The following ROBO2 variants were observed in gnomAD, a reference collection of about 807,000 sequenced individuals.
ROBO2 encodes roundabout guidance receptor 2, also known as roundabout homolog 2.
A neutral mutation model predicts 160.8 loss-of-function variants in ROBO2; 53 were observed. That is an observed-to-expected ratio of 0.33 (90% CI 0.26 to 0.41). The LOEUF (loss-of-function observed/expected upper bound fraction) is 0.41. Among genes scored for constraint, ROBO2 ranks in the 10% least tolerant of loss-of-function variants. The probability of loss-of-function intolerance (pLI) is 1.00; values close to 1 mark genes in which losing one functional copy is unlikely to be tolerated. For missense variants in ROBO2, 1,577 were observed against 1,722.4 expected (o/e 0.92, Z 1.49); for synonymous variants, 664 against 611.7 (o/e 1.09, Z -1.26).
intron 2 of ROBO2, among the ~76,000 whole-genome samples, chr3:75,942,107 G>A (rs1317055841): frequency 6.6e-6 from 1 of 151,996 alleles, no homozygotes; most frequent in African/African-American, 2.4e-5. Flanking sequence ...AGAGCTGAAG[G>A]TAGTATCTGA....
rs71104662 is a variant in ROBO2, at chr3:77,237,411, TTGTGTG to T, written c.388+139100_388+139105del. Among the ~76,000 whole-genome samples, 266 of 131,118 alleles carry T rather than the reference TTGTGTG, an allele frequency of 2.0e-3. 7 individuals are homozygous for T. In the East Asian group the frequency reaches 0.037, roughly 18 times the overall value. The allele number at this position is 131,118 out of a possible 152,430, so 86.0% of individuals were successfully genotyped here. The stretch of plus-strand genomic sequence containing the variant: ...TTTCCTGTTTTTGTTTTGTTTTGTT[TTGTGTG>T]TGTGTGTGTGTGTGTGTGTGTGTGT... On this transcript the variant is annotated intron_variant, in intron 2 of 25. Coordinates refer to ENST00000461745, the Ensembl canonical transcript of ROBO2.
At chr3:77,537,846 G>A (rs541705809) in intron 6 of ROBO2, among the ~76,000 whole-genome samples, 115 of 152,146 alleles carry the variant, frequency 7.6e-4, no homozygotes, top group African/African-American at 2.7e-3. Context: ...GATCTTGTGA[G>A]ACTTATTCAG....
At chr3:77,446,166 C>T (rs2080485514) in intron 2 of ROBO2, among the ~76,000 whole-genome samples, 1 of 151,950 alleles carries the variant, frequency 6.6e-6, no homozygotes, top group African/African-American at 2.4e-5. Flanking sequence ...TTAATAGCAT[C>T]ATACTTCAGG....
chr3:76,626,480 A>T (rs1490945016), intron 2 of ROBO2, among the ~76,000 whole-genome samples: 1 of 152,178 alleles, frequency 6.6e-6, no homozygotes, highest in Non-Finnish European at 1.5e-5. Flanking sequence ...GGATCAAAAA[A>T]GTACCAAGAA....
chr3:76,840,671 ATAT>A (rs2068168456), intron 2 of ROBO2, among the ~76,000 whole-genome samples: 4 of 135,970 alleles, frequency 2.9e-5, no homozygotes, highest in East Asian at 2.2e-4. Context: ...ATATATATAT[ATAT>A]AAGATGAAGT....
chr3:76,130,898 A>C lies in ROBO2; in HGVS notation c.109+193296A>C, dbSNP rs1017541715. ...ACCTCTTTAAACCCATTCTGATTTC[A>C]AGCTCTTTGTGAAGACATCCTGTAT... On this transcript the variant is annotated intron_variant, in intron 2 of 26. Coordinates refer to the ROBO2 transcript ENST00000487694. Among the ~76,000 whole-genome samples the C allele has an allele frequency of 5.3e-5, 8 of 152,140 alleles. No individual in the cohort carries two copies. The South Asian group carries it at 1.0e-3, about 20-fold the overall frequency.
chr3:76,971,561 A>T (rs1339563337), intron 2 of ROBO2, among the ~76,000 whole-genome samples: 1 of 151,336 alleles, frequency 6.6e-6, no homozygotes, highest in African/African-American at 2.4e-5. Flanking sequence ...TAAAAAAAAA[A>T]TAAATAAAAA....
At chr3:76,241,768 A>G (rs2107517359) in intron 2 of ROBO2, among the ~76,000 whole-genome samples, 1 of 152,356 alleles carries the variant, frequency 6.6e-6, no homozygotes. Context: ...ATAATAGTAA[A>G]AAATGATTAT....
At chr3:76,138,087 C>A (rs1474928921) in intron 2 of ROBO2, among the ~76,000 whole-genome samples, 1 of 151,908 alleles carries the variant, frequency 6.6e-6, no homozygotes, top group Non-Finnish European at 1.5e-5. Context: ...ATGTCCTTGG[C>A]TCTTGATGAT....
Position 75,938,441 on chromosome 3 carries a change from C to T in ROBO2, c.109+839C>T, listed in dbSNP as rs139209769. On this transcript the variant is annotated intron_variant, in intron 2 of 26. Transcript: ENST00000487694. ...TTATGTGATAAAACATCCTGACACC[C>T]CTGAAATTTTCTTTTCCTTTTGGGG... Among the ~76,000 whole-genome samples, 90 of 152,052 alleles carry T rather than the reference C, an allele frequency of 5.9e-4. 1 individual carries two copies. Among genetic ancestry groups the T allele is most frequent in the African/African-American group, 2.1e-3 (88 of 41,504 alleles).
At chr3:76,272,889 TAAAAATATAATATATA>T (rs1707601244) in intron 2 of ROBO2, among the ~76,000 whole-genome samples, 1 of 63,640 alleles carries the variant, frequency 1.6e-5, no homozygotes, top group African/African-American at 6.8e-5. Context: ...TATTTATATA[TAAAAATATAATATATA>T]TTTATATATA....
chr3:77,082,191 G>T (rs750470399), intron 1 of ROBO2, among the ~76,000 whole-genome samples: 2 of 152,172 alleles, frequency 1.3e-5, no homozygotes, highest in Non-Finnish European at 2.9e-5. Flanking sequence ...ATCACTTCTT[G>T]TAGTAAAGAA....
chr3:76,961,259 A>AAAAAC (rs1559767688), intron 2 of ROBO2, among the ~76,000 whole-genome samples: 1 of 151,782 alleles, frequency 6.6e-6, no homozygotes, highest in African/African-American at 2.4e-5. Context: ...AAAAAAAAAA[A>AAAAAC]AAAAAAAAAC....
At chr3:77,617,997 G>GT in intron 22 of ROBO2, 1 of 562,634 alleles carries the variant, frequency 1.8e-6, no homozygotes, top group Non-Finnish European at 3.1e-6. Context: ...AGCTGTAACT[G>GT]TAACTGTAAC....
intron 1 of ROBO2, among the ~76,000 whole-genome samples, chr3:77,062,559 C>T (rs1224867494): frequency 2.0e-5 from 3 of 152,154 alleles, no homozygotes; most frequent in Non-Finnish European, 1.5e-5. Flanking sequence ...TACTTAATTT[C>T]TCCCAGAGGT....
At chr3:76,634,835 T>C (rs938129681) in intron 2 of ROBO2, among the ~76,000 whole-genome samples, 1 of 152,094 alleles carries the variant, frequency 6.6e-6, no homozygotes, top group Non-Finnish European at 1.5e-5. Context: ...CAGCAGGAGG[T>C]GCGCAGCAGG....
chr3:77,602,661 G>GCCACCACCACCACCACCACCA (rs879356392), intron 20 of ROBO2, among the ~76,000 whole-genome samples, 170 bp downstream of exon 21: 1 of 128,242 alleles, frequency 7.8e-6, no homozygotes, highest in Non-Finnish European at 1.7e-5. Context: ...CACCACCACC[G>GCCACCACCACCACCACCACCA]CCACCACCAC....
At chr3:76,851,318 A>C (rs1419052737) in intron 2 of ROBO2, among the ~76,000 whole-genome samples, 1 of 152,222 alleles carries the variant, frequency 6.6e-6, no homozygotes, top group Non-Finnish European at 1.5e-5. Context: ...TGTATTGGAC[A>C]GAACAATTAG....
chr3:77,429,756 CTGTGATCTGCTGTGATCACAGAT>C (rs927563993), intron 2 of ROBO2, among the ~76,000 whole-genome samples: 1 of 151,932 alleles, frequency 6.6e-6, no homozygotes, highest in African/African-American at 2.4e-5. Context: ...ACAACACAAT[CTGTGATCTGCTGTGATCACAGAT>C]TGTGATCAGT....
Sources: allele counts gnomAD v4.1 joint callset (sites outside exome capture counted in the v4.1 genomes callset), GRCh38; gene constraint gnomAD v4.1.1; transcripts MANE v1.5; gene names NCBI Gene and HGNC (gene_info 2026-07-23, HGNC 2026-07-21).